The following MTHFD2L variants were observed in gnomAD, a reference collection of about 807,000 sequenced individuals.
MTHFD2L encodes bifunctional methylenetetrahydrofolate dehydrogenase/cyclohydrolase 2, mitochondrial.
In MTHFD2L, 29 loss-of-function variants were observed where a neutral mutation model predicts 34.9. The ratio of observed to expected loss-of-function variants is 0.83; its 90% CI spans 0.62 to 1.13. The LOEUF is 1.13. Among genes scored for constraint, MTHFD2L ranks in the 50% most tolerant of loss-of-function variants. MTHFD2L has a pLI of 0.00. For synonymous variants in MTHFD2L, 167 were observed against 155.7 expected, an observed-to-expected ratio of 1.07 and a Z score of -0.54; for missense variants, 481 against 446.5, an observed-to-expected ratio of 1.08 and a Z score of -0.70.
intron 6 of MTHFD2L, among the ~76,000 whole-genome samples, chr4:74,233,226 A>G (rs1165430320): frequency 2.0e-5 from 3 of 152,148 alleles, no homozygotes; most frequent in Non-Finnish European, 4.4e-5. Context: ...CAATCAGTAT[A>G]CTATGAAGCT....
chr4:74,201,313 G>T lies in MTHFD2L; in HGVS notation c.655G>T (p.Val219Leu). 2 of 1,613,790 alleles carry T rather than the reference G, an allele frequency of 1.2e-6. No individual in the cohort carries two copies. Among genetic ancestry groups the T allele is most frequent in the African/African-American group, 2.7e-5 (2 of 75,030 alleles). Residue 219 changes from valine to leucine, a missense_variant, in exon 5 of 8, where the codon GTA (valine) becomes TTA (leucine). Coordinates refer to ENST00000325278, the MANE Select transcript of MTHFD2L (RefSeq NM_001144978.3). ...NVVVAGRSKN[V>L]GMPIAMLLHT... ...GGTTGTGGCTGGAAGATCCAAGAACGTAGGGATGCCTATTGCCATGCTTTT... is the reference window on the plus strand; with the variant it reads ...GGTTGTGGCTGGAAGATCCAAGAACTTAGGGATGCCTATTGCCATGCTTTT...
chr4:74,170,390 CAT>C (rs1214141807), intron 1 of MTHFD2L, among the ~76,000 whole-genome samples: 1 of 152,086 alleles, frequency 6.6e-6, no homozygotes, highest in Non-Finnish European at 1.5e-5. Flanking sequence ...TCTCAATAGA[CAT>C]AAAAAACACT....
At chr4:74,143,303 A>G in intron 1 of MTHFD2L, 1 of 516,076 alleles carries the variant, frequency 1.9e-6, no homozygotes, top group Non-Finnish European at 2.5e-6. Flanking sequence ...ATTTGAGTGT[A>G]GAATGGAGTT....
chr4:74,154,578 C>A (rs1428402202), upstream of MTHFD2L, among the ~76,000 whole-genome samples: 2 of 152,186 alleles, frequency 1.3e-5, no homozygotes, highest in Middle Eastern at 3.4e-3. Flanking sequence ...CATCTTTGGG[C>A]ATGAGGAACC....
intron 1 of MTHFD2L, among the ~76,000 whole-genome samples, chr4:74,169,942 A>G (rs1346511624): frequency 6.6e-6 from 1 of 152,246 alleles, no homozygotes; most frequent in Non-Finnish European, 1.5e-5. Context: ...GAAATATTAG[A>G]TAACCTGAAT....
At chr4:74,115,319 G>A (rs1005957720) in intron 2 of MTHFD2L, among the ~76,000 whole-genome samples, 16 of 152,308 alleles carry the variant, frequency 1.1e-4, no homozygotes, top group African/African-American at 3.6e-4. Flanking sequence ...ATATCTATTA[G>A]TTTGGAGAAA....
chr4:74,170,918 A>T (rs1727808554), intron 1 of MTHFD2L, among the ~76,000 whole-genome samples: 1 of 146,960 alleles, frequency 6.8e-6, no homozygotes, highest in Non-Finnish European at 1.5e-5. Context: ...CATAGGTGGG[A>T]ATTGAACAAT....
At chr4:74,294,833 A>G (rs1339262899) in intron 7 of MTHFD2L, among the ~76,000 whole-genome samples, 3 of 152,082 alleles carry the variant, frequency 2.0e-5, no homozygotes, top group Non-Finnish European at 4.4e-5. Flanking sequence ...AGCCAATAAC[A>G]TAGGGGGGAA....
intron 1 of MTHFD2L, among the ~76,000 whole-genome samples, chr4:74,167,714 A>G (rs1295384191): frequency 6.6e-6 from 1 of 152,166 alleles, no homozygotes; most frequent in African/African-American, 2.4e-5. Flanking sequence ...AGATCTGGAG[A>G]GAACATGGTG....
At chr4:74,205,352 CTA>C (rs531376858) in intron 5 of MTHFD2L, among the ~76,000 whole-genome samples, 132 of 152,306 alleles carry the variant, frequency 8.7e-4, no homozygotes, top group African/African-American at 3.1e-3. Flanking sequence ...AAATGCATAT[CTA>C]TAGAACTTGT....
intron 3 of MTHFD2L, among the ~76,000 whole-genome samples, chr4:74,197,790 A>G (rs1733743640): frequency 6.6e-6 from 1 of 152,196 alleles, no homozygotes; most frequent in South Asian, 2.1e-4. Flanking sequence ...TAAAGGTAAT[A>G]TAATCATTGT....
chr4:74,128,270 T>C (rs1405870612), intron 1 of MTHFD2L, among the ~76,000 whole-genome samples: 1 of 151,952 alleles, frequency 6.6e-6, no homozygotes, highest in Non-Finnish European at 1.5e-5. Flanking sequence ...TCAATTTTTG[T>C]TCTTATTGCC....
At chr4:74,226,594 G>A (rs1045098580) in intron 6 of MTHFD2L, among the ~76,000 whole-genome samples, 1 of 152,082 alleles carries the variant, frequency 6.6e-6, no homozygotes, top group Non-Finnish European at 1.5e-5. Context: ...GCTTGTGTAT[G>A]GATAATTCAC....
chr4:74,163,466 A>G (rs1325316545), intron 1 of MTHFD2L, among the ~76,000 whole-genome samples: 1 of 152,238 alleles, frequency 6.6e-6, no homozygotes, highest in African/African-American at 2.4e-5. Context: ...TTTAGTACAG[A>G]GTCAGAAAGT....
At chr4:74,127,124 T>C (rs1037804030) in intron 1 of MTHFD2L, among the ~76,000 whole-genome samples, 6 of 152,196 alleles carry the variant, frequency 3.9e-5, no homozygotes, top group African/African-American at 7.2e-5. Context: ...TGCCGAACTG[T>C]GAGTCAATTA....
At chr4:74,287,823 C>G (rs1449048620) in intron 7 of MTHFD2L, among the ~76,000 whole-genome samples, 7 of 152,186 alleles carry the variant, frequency 4.6e-5, no homozygotes, top group African/African-American at 1.4e-4. Flanking sequence ...GGCAGCTATG[C>G]TTCATTCAGG....
intron 6 of MTHFD2L, among the ~76,000 whole-genome samples, chr4:74,230,191 G>A (rs754944770): frequency 5.9e-5 from 9 of 152,166 alleles, no homozygotes; most frequent in Non-Finnish European, 1.0e-4. Flanking sequence ...TCATAAAGTA[G>A]TTGCTAAAGC....
intron 6 of MTHFD2L, among the ~76,000 whole-genome samples, chr4:74,257,632 C>T (rs1744189902): frequency 6.6e-6 from 1 of 152,030 alleles, no homozygotes; most frequent in Non-Finnish European, 1.5e-5. Flanking sequence ...CAAATATTAA[C>T]AGAACTGAAT....
intron 2 of MTHFD2L, among the ~76,000 whole-genome samples, chr4:74,117,584 T>G (rs1578211332): frequency 6.6e-6 from 1 of 152,208 alleles, no homozygotes; most frequent in Non-Finnish European, 1.5e-5. Context: ...GCAGGATCTA[T>G]ATATAGATCA....
Sources: gnomAD v4.1 joint callset for allele counts (sites outside exome capture counted in the v4.1 genomes callset) on GRCh38, gnomAD v4.1.1 for gene constraint, MANE v1.5 for transcripts, NCBI Gene and HGNC (gene_info 2026-07-23, HGNC 2026-07-21) for gene names.